Variants in TUBGCP5 observed in about 807,000 individuals in gnomAD.
TUBGCP5 encodes the protein gamma-tubulin complex component 5.
In TUBGCP5, 98 loss-of-function variants were observed where a neutral mutation model predicts 134.7. The observed-to-expected ratio is 0.73, with a 90% CI of 0.62 to 0.86. The LOEUF is 0.86. Ranked by LOEUF, TUBGCP5 falls within the 40% of genes least tolerant of loss-of-function variation. The pLI, the probability that TUBGCP5 is intolerant of heterozygous loss-of-function variation, is 0.00. For missense variants in TUBGCP5, 1,150 were observed against 1,244.8 expected (o/e 0.92, Z 1.15); for synonymous variants, 456 against 431.4 (o/e 1.06, Z -0.71).
At chr15:23,038,684 T>C (rs1389661229) in intron 1 of TUBGCP5, among the ~76,000 whole-genome samples, 4 of 152,212 alleles carry the variant, frequency 2.6e-5, no homozygotes, top group African/African-American at 2.4e-5. Flanking sequence ...ATTAACATTT[T>C]TTTAGTAATA....
chr15:23,012,641 C>T (rs1015422942), intron 13 of TUBGCP5, among the ~76,000 whole-genome samples: 1 of 152,122 alleles, frequency 6.6e-6, no homozygotes, highest in Non-Finnish European at 1.5e-5. Context: ...CTCCTGACCT[C>T]GTGATCTGCC....
At chr15:23,015,512 C>T (rs1321168903) in intron 13 of TUBGCP5, among the ~76,000 whole-genome samples, 1 of 151,970 alleles carries the variant, frequency 6.6e-6, no homozygotes, top group African/African-American at 2.4e-5. Context: ...CGTGGTGGCA[C>T]ATGCCTGTAA....
intron 6 of TUBGCP5, among the ~76,000 whole-genome samples, chr15:23,028,686 A>G (rs556022385): frequency 1.6e-4 from 24 of 152,248 alleles, no homozygotes; most frequent in African/African-American, 5.8e-4. Flanking sequence ...CAACCATCAC[A>G]CTTAACGGAG....
intron 14 of TUBGCP5, 128 bp from the exon 15 acceptor site, chr15:23,010,261 T>C (rs562441800): frequency 9.4e-7 from 1 of 1,068,350 alleles, no homozygotes; most frequent in Non-Finnish European, 1.4e-6. Context: ...AAGAGAAAAA[T>C]CTTTCTCCCA....
intron 6 of TUBGCP5, among the ~76,000 whole-genome samples, chr15:23,028,338 C>T (rs943239647): frequency 1.4e-5 from 2 of 143,056 alleles, no homozygotes; most frequent in Admixed American, 1.4e-4. Flanking sequence ...TGTGATCACG[C>T]TACTGCACTC....
At position 23,007,185 on chromosome 15, in the gene TUBGCP5, C is replaced by T. The variant is rs138074946; in HGVS notation, c.2328-833G>A. ...AGCACTTTGGCATCCTCGAGGATCACGAGGTCAGGAGATCGAGACCATCCT... is the reference window on the plus strand; with the variant it reads ...AGCACTTTGGCATCCTCGAGGATCATGAGGTCAGGAGATCGAGACCATCCT... On this transcript the variant is annotated intron_variant, in intron 16 of 22. Transcript: ENST00000615383. Among the ~76,000 whole-genome samples, 771 of 152,168 alleles carry T rather than the reference C, an allele frequency of 5.1e-3. 7 individuals carry two copies. The highest frequency in any genetic ancestry group is 0.018 in the African/African-American group (733 of 41,504).
chr15:23,011,593 C>CT (rs940561741), intron 13 of TUBGCP5, among the ~76,000 whole-genome samples: 1 of 149,500 alleles, frequency 6.7e-6, no homozygotes, highest in African/African-American at 2.4e-5. Flanking sequence ...CAACCTCCGC[C>CT]TCCCGGGTTC....
At chr15:22,988,445 T>A (rs540784861) in intron 23 of TUBGCP5, among the ~76,000 whole-genome samples, 2 of 151,728 alleles carry the variant, frequency 1.3e-5, no homozygotes, top group Non-Finnish European at 2.9e-5. Flanking sequence ...TAATATCTGG[T>A]TTTTTTGGCC....
chr15:23,023,599 G>C lies in TUBGCP5; in HGVS notation c.1168+348C>G, dbSNP rs933594377. 3 of 188,042 alleles carry C rather than the reference G, an allele frequency of 1.6e-5. No individual in the cohort carries two copies. The East Asian group carries it at 4.3e-4, about 27-fold the overall frequency. 11.6% of individuals were successfully genotyped at this position (188,042 alleles called of 1,614,324 possible). On this transcript the variant is annotated intron_variant, in intron 10 of 22. Transcript: ENST00000615383. ...ATTTGAAGAGAGCAGTGTAATGACTGCTAGGTATGCGTATATGTATATGCA... is the reference window on the plus strand; with the variant it reads ...ATTTGAAGAGAGCAGTGTAATGACTCCTAGGTATGCGTATATGTATATGCA...
chr15:23,005,456 G>C lies in TUBGCP5; in HGVS notation c.2688C>G (p.Ser896Arg), dbSNP rs2064649080. ...LRVKLMHFVN[S>R]LHNYIMTRIL... is the part of the protein sequence containing the mutation. ...CCCTGGTCATGATGTAGTTGTGCAA[G>C]CTGTTCACGAAATGCATGAGCTTCA... Residue 896 changes from serine to arginine, a missense_variant, in exon 19 of 23, where the codon AGC becomes AGG. By Grantham distance (110) the Ser-to-Arg change is moderately radical. Transcript: ENST00000615383. The C allele has an allele frequency of 1.9e-6, 3 of 1,614,020 alleles. No homozygotes were observed. Among genetic ancestry groups the C allele is most frequent in the Non-Finnish European group, 2.5e-6 (3 of 1,180,016 alleles).
chr15:23,018,154 T>C, intron 12 of TUBGCP5, 113 bp from the exon 13 acceptor site: 1 of 1,138,174 alleles, frequency 8.8e-7, no homozygotes, highest in Non-Finnish European at 1.2e-6. Flanking sequence ...ATTAGTAAAC[T>C]GAAGCAAACT....
intron 23 of TUBGCP5, among the ~76,000 whole-genome samples, chr15:22,989,389 T>C (rs2063779916): frequency 6.6e-6 from 1 of 152,104 alleles, no homozygotes; most frequent in Non-Finnish European, 1.5e-5. Flanking sequence ...GTAAATACCT[T>C]CTAGCAACAC....
intron 6 of TUBGCP5, 122 bp from the exon 7 acceptor site, chr15:23,027,428 C>CTATTTAAAAA (rs144200387): frequency 0.1 from 76,127 of 736,154 alleles, 6,851 homozygotes; most frequent in East Asian, 0.46. Flanking sequence ...TAACAGCTAC[C>CTATTTAAAAA]TAACATTTAT....
chr15:22,997,155 G>A (rs1268435110), downstream of TUBGCP5, among the ~76,000 whole-genome samples: 1 of 151,924 alleles, frequency 6.6e-6, no homozygotes, highest in Non-Finnish European at 1.5e-5. Flanking sequence ...ATGTTTTTTG[G>A]TGATGTCCAA....
chr15:23,035,371 A>G (rs2066529969), intron 3 of TUBGCP5, among the ~76,000 whole-genome samples: 2 of 151,446 alleles, frequency 1.3e-5, no homozygotes, highest in South Asian at 4.2e-4. Flanking sequence ...TTGCTACACC[A>G]CACAGCAATC....
At chr15:22,988,596 C>T (rs536265649) in intron 23 of TUBGCP5, among the ~76,000 whole-genome samples, 36 of 151,356 alleles carry the variant, frequency 2.4e-4, no homozygotes, top group South Asian at 1.5e-3. Flanking sequence ...ATTAGCCGGG[C>T]GTGGTGGTGG....
chr15:23,005,299 G>A (rs968785943), intron 19 of TUBGCP5, 133 bp downstream of exon 19: 23 of 999,980 alleles, frequency 2.3e-5, no homozygotes, highest in Non-Finnish European at 2.9e-5. Flanking sequence ...GTTATTTTAT[G>A]ATCAAATTTG....
downstream of TUBGCP5, among the ~76,000 whole-genome samples, chr15:22,996,159 G>C (rs932199826): frequency 2.0e-5 from 3 of 152,228 alleles, no homozygotes; most frequent in African/African-American, 7.2e-5. Context: ...GTAGATACAT[G>C]TTAACCTTTG....
At chr15:23,036,708 GCTCT>G (rs1466961966) in intron 3 of TUBGCP5, among the ~76,000 whole-genome samples, 185 bp downstream of exon 3, 2 of 152,110 alleles carry the variant, frequency 1.3e-5, no homozygotes, top group Non-Finnish European at 2.9e-5. Context: ...TTAAAAACAA[GCTCT>G]TTCTTTCATC....
Sources: allele counts gnomAD v4.1 joint callset (sites outside exome capture counted in the v4.1 genomes callset), GRCh38; gene constraint gnomAD v4.1.1; transcripts MANE v1.5; gene names NCBI Gene and HGNC (gene_info 2026-07-23, HGNC 2026-07-21).